CARD8: variants seen among roughly 807,000 people sequenced by gnomAD.
CARD8 encodes the protein caspase recruitment domain family member 8.
Under a neutral mutation model 53.2 loss-of-function variants are expected in CARD8, and 38 were observed. The observed-to-expected ratio is 0.71, with a 90% confidence interval of 0.55 to 0.94. The LOEUF (loss-of-function observed/expected upper bound fraction) is 0.94, where lower values mean the gene tolerates loss of function less well. CARD8 is among the 40% of genes least tolerant of loss of function. CARD8 has a pLI of 0.00. For synonymous variants in CARD8, 245 were observed against 244.9 expected, an observed-to-expected ratio of 1.00 and a Z score of 0.00; for missense variants, 561 against 655.5, an observed-to-expected ratio of 0.86 and a Z score of 1.57.
chr19:48,214,424 A>T (rs1290340767), intron 13 of CARD8, among the ~76,000 whole-genome samples: 1 of 152,206 alleles, frequency 6.6e-6, no homozygotes, highest in Admixed American at 6.5e-5. Flanking sequence ...AGATCTCGGG[A>T]ACTGGGCCAG....
chr19:48,246,664 A>G (rs1200925999), intron 3 of CARD8, among the ~76,000 whole-genome samples: 2 of 152,348 alleles, frequency 1.3e-5, no homozygotes, highest in East Asian at 3.9e-4. Context: ...GGATATGAAC[A>G]TGAAATTCAC....
Position 48,209,701 on chromosome 19 carries a change from A to G in CARD8, c.*2009T>C, listed in dbSNP as rs1971783. The stretch of plus-strand genomic sequence containing the variant: ...ATTTCTAGATGGCAAGGAAAATCAC[A>G]TGTAAGAGGTTTCCATTTAAAAGAA... On this transcript the variant is annotated 3_prime_UTR_variant, in exon 14 of 14. Transcript: ENST00000651546. 0.31 allele frequency: 47,682 copies of G among 152,216 alleles called. 7,816 individuals are homozygous for G. Among genetic ancestry groups the G allele is most frequent in the East Asian group, 0.52 (2,723 of 5,266 alleles). 9.4% of individuals were successfully genotyped at this position (152,216 alleles called of 1,614,324 possible). A position where few individuals can be genotyped will look rare whatever the true frequency, so the allele number is the denominator to read the frequency against.
downstream of CARD8, among the ~76,000 whole-genome samples, chr19:48,207,617 CTGTT>C (rs1027805264): frequency 1.5e-4 from 22 of 151,722 alleles, no homozygotes; most frequent in East Asian, 3.9e-4. Flanking sequence ...AAGGAGTTTT[CTGTT>C]TGTTTACTCA....
downstream of CARD8, among the ~76,000 whole-genome samples, chr19:48,205,490 A>T (rs1024898636): frequency 6.6e-6 from 1 of 152,160 alleles, no homozygotes; most frequent in African/African-American, 2.4e-5. Flanking sequence ...TCAGTCTCCC[A>T]AAGTGCTGGG....
downstream of CARD8, among the ~76,000 whole-genome samples, chr19:48,207,732 C>CTGTTTTTTTTTTTTTT (rs1555790090): frequency 6.3e-3 from 578 of 91,166 alleles, 20 homozygotes; most frequent in African/African-American, 0.013. Context: ...TGTTGTTTTT[C>CTGTTTTTTTTTTTTTT]TGTTTTTTTT....
chr19:48,204,351 GGGA>G (rs1178603793), downstream of CARD8: 1 of 356,938 alleles, frequency 2.8e-6, no homozygotes, highest in African/African-American at 2.1e-5. Context: ...CTGCAGTAAG[GGGA>G]GTTGGGGTGA....
At chr19:48,214,670 C>A (rs1193047836) in intron 13 of CARD8, among the ~76,000 whole-genome samples, 1 of 151,704 alleles carries the variant, frequency 6.6e-6, no homozygotes, top group Non-Finnish European at 1.5e-5. Flanking sequence ...CATATTAAAC[C>A]CCAAGTCAAA....
At chr19:48,218,836 C>G (rs2039912973) in intron 12 of CARD8, 35 bp downstream of exon 12, 2 of 1,608,662 alleles carry the variant, frequency 1.2e-6, no homozygotes, top group Non-Finnish European at 1.7e-6. Context: ...TGATGGATCC[C>G]TGTCTAAAAA....
chr19:48,219,275 T>A (rs1245022109), intron 11 of CARD8, among the ~76,000 whole-genome samples: 5 of 151,864 alleles, frequency 3.3e-5, no homozygotes, highest in Non-Finnish European at 7.4e-5. Flanking sequence ...AATACAAACG[T>A]CTTAGATTTT....
intron 11 of CARD8, among the ~76,000 whole-genome samples, chr19:48,220,057 TTTTA>T (rs1419508715): frequency 1.3e-5 from 2 of 152,214 alleles, no homozygotes; most frequent in African/African-American, 2.4e-5. Context: ...ATACCCTGCA[TTTTA>T]TTTATTTATT....
chr19:48,217,166 C>A (rs1422497555), intron 12 of CARD8, among the ~76,000 whole-genome samples: 1 of 152,170 alleles, frequency 6.6e-6, no homozygotes, highest in Non-Finnish European at 1.5e-5. Context: ...GCTGTAAACA[C>A]AGATGAAGCT....
At chr19:48,221,003 A>AG (rs879919657) in intron 11 of CARD8, among the ~76,000 whole-genome samples, 2,220 of 109,632 alleles carry the variant, frequency 0.02, 31 homozygotes, top group Non-Finnish European at 0.031. Flanking sequence ...GGAAAGAAAG[A>AG]AAGAAAAAGA....
chr19:48,254,548 G>A (rs1353028369), intron 1 of CARD8, among the ~76,000 whole-genome samples: 4 of 152,078 alleles, frequency 2.6e-5, no homozygotes, highest in Non-Finnish European at 4.4e-5. Flanking sequence ...TCAGGGGTTC[G>A]AGACCAGCCT....
chr19:48,242,378 G>T, intron 3 of CARD8, among the ~76,000 whole-genome samples: 1 of 107,210 alleles, frequency 9.3e-6, no homozygotes, highest in Non-Finnish European at 2.1e-5. Context: ...AGAACTGTGA[G>T]AAATAAATTC....
chr19:48,225,856 C>T (rs2145943521), intron 10 of CARD8, among the ~76,000 whole-genome samples: 1 of 152,126 alleles, frequency 6.6e-6, no homozygotes, highest in East Asian at 1.9e-4. Context: ...AGTTCAAGAC[C>T]AGCCTGACCA....
chr19:48,203,419 C>G (rs910420887), downstream of CARD8: 2 of 152,224 alleles, frequency 1.3e-5, no homozygotes, highest in Admixed American at 6.5e-5. Context: ...AATCCCAGCT[C>G]CACTACTTCC....
chr19:48,205,922 G>C (rs1163537368), downstream of CARD8, among the ~76,000 whole-genome samples: 1 of 152,092 alleles, frequency 6.6e-6, no homozygotes, highest in African/African-American at 2.4e-5. Context: ...TTTTGAGACA[G>C]AGTCTCACTC....
downstream of CARD8, among the ~76,000 whole-genome samples, chr19:48,207,743 T>TTTTTTGTTTTTTTTG (rs1555790206): frequency 3.1e-5 from 2 of 63,726 alleles, no homozygotes; most frequent in South Asian, 6.4e-4. Context: ...TGTTTTTTTT[T>TTTTTTGTTTTTTTTG]TTTTTTTTTT....
intron 10 of CARD8, among the ~76,000 whole-genome samples, chr19:48,227,087 C>CAA (rs57953827): frequency 1.1e-3 from 111 of 103,970 alleles, no homozygotes; most frequent in East Asian, 2.0e-3. Context: ...GACTCCGTCT[C>CAA]AAAAAAAAAA....
Sources: gnomAD v4.1 joint callset for allele counts (sites outside exome capture counted in the v4.1 genomes callset) on GRCh38, gnomAD v4.1.1 for gene constraint, MANE v1.5 for transcripts, NCBI Gene and HGNC (gene_info 2026-07-23, HGNC 2026-07-21) for gene names.